The following LRP8 variants were observed in gnomAD, a reference collection of about 807,000 sequenced individuals.
The protein encoded by LRP8 is low-density lipoprotein receptor-related protein 8.
A neutral mutation model predicts 111.6 loss-of-function variants in LRP8; 46 were observed. That is an observed-to-expected ratio of 0.41 (90% CI 0.33 to 0.53). LRP8 has a LOEUF of 0.53. Among genes scored for constraint, LRP8 ranks in the 20% least tolerant of loss-of-function variants. LRP8 has a pLI of 0.20. For synonymous variants in LRP8, 464 were observed against 511.2 expected (o/e 0.91, Z 1.24); for missense variants, 959 against 1,297.4 (o/e 0.74, Z 4.01).
intron 6 of LRP8, chr1:53,272,605 C>G: frequency 7.8e-7 from 1 of 1,289,948 alleles, no homozygotes; most frequent in Non-Finnish European, 1.0e-6. Flanking sequence ...CCCCTTTACC[C>G]CTGGGCCTCC....
At chr1:53,296,575 C>A (rs1337896369) in intron 2 of LRP8, among the ~76,000 whole-genome samples, 1 of 152,236 alleles carries the variant, frequency 6.6e-6, no homozygotes, top group African/African-American at 2.4e-5. Flanking sequence ...GAATGCAGAT[C>A]CGGGGTGGGG....
At position 53,276,731 on chromosome 1, in the gene LRP8, C is replaced by T. The variant is rs1411511834; in HGVS notation, c.844G>A (p.Asp282Asn). The T allele has an allele frequency of 1.3e-6, 2 of 1,522,176 alleles. No homozygotes were observed. Among genetic ancestry groups the T allele is most frequent in the Admixed American group, 1.9e-5 (1 of 52,686 alleles). 94.3% of individuals were successfully genotyped at this position (1,522,176 alleles called of 1,614,324 possible). Residue 282 changes from aspartate to asparagine, a missense_variant, in exon 5 of 19, where the codon GAC becomes AAC. Physicochemically the swap from Asp to Asn is conservative, Grantham distance 23. This residue lies in a region of LRP8 where 819 missense variants were observed against 1,097.6 expected (regional missense o/e 0.75). Coordinates refer to ENST00000306052, the MANE Select transcript of LRP8 (RefSeq NM_004631.5). ...TCCGATTTGTCTTTGCAGTCGCGGT[C>T]GCCGTCGCAGCGCCAGCCCAGGTGC... ...CVHLGWRCDG[D>N]RDCKDKSDEA... is the part of the protein sequence containing the mutation.
At chr1:53,260,028 C>T (rs1025977418) in intron 13 of LRP8, among the ~76,000 whole-genome samples, 2 of 152,148 alleles carry the variant, frequency 1.3e-5, no homozygotes, top group Non-Finnish European at 1.5e-5. Context: ...TATTATATGG[C>T]CCTCGGATAC....
At chr1:53,285,915 ACT>A (rs1647475733) in intron 3 of LRP8, among the ~76,000 whole-genome samples, 1 of 151,934 alleles carries the variant, frequency 6.6e-6, no homozygotes, top group Non-Finnish European at 1.5e-5. Flanking sequence ...TTTTCATGAA[ACT>A]CTGTATCCTG....
Position 53,266,774 on chromosome 1 carries a change from A to G in LRP8, c.1253-127T>C. 1.3e-6 allele frequency: 1 copy of G among 782,782 alleles called. No homozygotes were observed. The highest frequency in any genetic ancestry group is 1.6e-5 in the South Asian group (1 of 60,928). The allele number at this position is 782,782 out of a possible 1,614,324, so 48.5% of individuals were successfully genotyped here. On this transcript the variant is annotated intron_variant, in intron 8 of 18. Coordinates refer to ENST00000306052, the MANE Select transcript of LRP8 (RefSeq NM_004631.5). The surrounding 1 kb of genome is among the most constrained non-coding windows in gnomAD (Gnocchi z 5.0). ...CCTTAAAATAGTAGTGACAATTCCT[A>G]CTTTACAGGTTGCAGGAGCAGATGA...
At position 53,317,380 on chromosome 1, in the gene LRP8, A is replaced by T. The variant is rs1469886677; in HGVS notation, c.244+9493T>A. On this transcript the variant is annotated intron_variant, in intron 2 of 18. Transcript: ENST00000306052. The surrounding 1 kb of genome is among the most constrained non-coding windows in gnomAD (Gnocchi z 4.9). Reference sequence around the variant, plus strand: ...CTACCGTGGCAGGCCCGGCTGGCTAACCAGCCCCACTGGGCCACTCAGGAA... The same window carrying T: ...CTACCGTGGCAGGCCCGGCTGGCTATCCAGCCCCACTGGGCCACTCAGGAA... Among the ~76,000 whole-genome samples, 2 of 152,150 alleles carry T rather than the reference A, an allele frequency of 1.3e-5. No individual in the cohort carries two copies. Among genetic ancestry groups the T allele is most frequent in the Non-Finnish European group, 2.9e-5 (2 of 68,014 alleles).
intron 12 of LRP8, among the ~76,000 whole-genome samples, chr1:53,260,926 G>A (rs1024677352): frequency 6.6e-6 from 1 of 152,118 alleles, no homozygotes; most frequent in Admixed American, 6.5e-5. Flanking sequence ...TCATTACTGG[G>A]GCCTGGGACC....
intron 9 of LRP8, 111 bp from the exon 10 acceptor site, chr1:53,264,507 T>A: frequency 1.2e-6 from 1 of 844,128 alleles, no homozygotes. Flanking sequence ...CAATAGATTT[T>A]TAGAGGAACG....
At chr1:53,288,160 G>A in intron 3 of LRP8, 1 of 152,274 alleles carries the variant, frequency 6.6e-6, no homozygotes, top group East Asian at 1.9e-4. Context: ...AAAGCTCCCT[G>A]TGGCCACAAA....
chr1:53,313,704 C>A (rs1290562483), intron 2 of LRP8, among the ~76,000 whole-genome samples: 2 of 152,064 alleles, frequency 1.3e-5, no homozygotes, highest in African/African-American at 4.8e-5. Flanking sequence ...TGTGGCTGGA[C>A]AGGAGACGCC....
At position 53,257,491 on chromosome 1, in the gene LRP8, C is replaced by G. The variant is rs368556046; in HGVS notation, c.2210-27G>C. On this transcript the variant is annotated intron_variant, in intron 14 of 18. Transcript: ENST00000306052. ...TGGAGGGGAAATACCATGGAGGTCA[C>G]TTGGACAGATAATTTTGTTGCCTAA... 22 of 1,579,282 alleles carry G rather than the reference C, an allele frequency of 1.4e-5. No individual in the cohort carries two copies. In the African/African-American group the frequency reaches 2.8e-4, roughly 20 times the overall value.
rs1385473217 is a variant in LRP8, at chr1:53,272,134, C to T, written c.1007-788G>A. Reference sequence around the variant, plus strand: ...ACATGGAGCCATTGCTAAATCAATTCTCTCCTATCATGAACTAATATGATG... The same window carrying T: ...ACATGGAGCCATTGCTAAATCAATTTTCTCCTATCATGAACTAATATGATG... On this transcript the variant is annotated intron_variant, in intron 6 of 18. Coordinates refer to ENST00000306052, the MANE Select transcript of LRP8 (RefSeq NM_004631.5). Among the ~76,000 whole-genome samples the T allele has an allele frequency of 2.6e-5, 4 of 152,002 alleles. No homozygotes were observed. The South Asian group carries it at 6.2e-4, about 24-fold the overall frequency.
At chr1:53,297,037 G>A (rs1649861041) in intron 2 of LRP8, among the ~76,000 whole-genome samples, 1 of 151,100 alleles carries the variant, frequency 6.6e-6, no homozygotes, top group Admixed American at 6.6e-5. Context: ...ATCCTCCATC[G>A]CCAGCAGATC....
intron 1 of LRP8, 40 bp from the exon 2 acceptor site, chr1:53,327,032 G>A: frequency 6.2e-7 from 1 of 1,606,024 alleles, no homozygotes; most frequent in Non-Finnish European, 8.5e-7. Flanking sequence ...CAGCGGACTC[G>A]GCCCCACTCC....
At chr1:53,285,295 C>G (rs1647376737) in intron 3 of LRP8, among the ~76,000 whole-genome samples, 1 of 152,128 alleles carries the variant, frequency 6.6e-6, no homozygotes, top group African/African-American at 2.4e-5. Flanking sequence ...GCACCACTGG[C>G]CCAGAGAGAG....
chr1:53,271,282 G>A lies in LRP8; in HGVS notation c.1071C>T (p.Gly357=). 1 of 1,613,972 alleles carries A rather than the reference G, an allele frequency of 6.2e-7. No homozygotes were observed. Among genetic ancestry groups the A allele is most frequent in the Non-Finnish European group, 8.5e-7 (1 of 1,180,002 alleles). The change falls in exon 7 of 19, where the codon GGC becomes GGT. Residue 357 remains glycine (G), a synonymous_variant. Coordinates refer to ENST00000306052, the MANE Select transcript of LRP8 (RefSeq NM_004631.5). ...AGCCTGCTGGGCACGTGCATTCAAA[G>A]CCAATCTTGAGGTCAGTGCAGATGT... ...CSHICTDLKI[G]FECTCPAGFQ...
At position 53,293,456 on chromosome 1, in the gene LRP8, G is replaced by A. The variant is rs1286900402; in HGVS notation, c.245-3767C>T. Among the ~76,000 whole-genome samples, 1 of 152,238 alleles carries A rather than the reference G, an allele frequency of 6.6e-6. No homozygotes were observed. Among genetic ancestry groups the A allele is most frequent in the Non-Finnish European group, 1.5e-5 (1 of 68,032 alleles). On this transcript the variant is annotated intron_variant, in intron 2 of 18. Transcript: ENST00000306052. The surrounding 1 kb of genome is among the most constrained non-coding windows in gnomAD (Gnocchi z 4.9). ...CCAGTGACTCCTCACAGCTATCTTG[G>A]TAGCTGTTGTTATTAATCCCATTGT...
chr1:53,308,823 A>G (rs1303195250), intron 2 of LRP8, among the ~76,000 whole-genome samples: 18 of 152,226 alleles, frequency 1.2e-4, no homozygotes, highest in Admixed American at 8.5e-4. Context: ...TGCCTGGTGC[A>G]CTGGCTAACA....
chr1:53,311,047 G>T (rs1652895503), intron 2 of LRP8, among the ~76,000 whole-genome samples: 1 of 152,172 alleles, frequency 6.6e-6, no homozygotes, highest in Non-Finnish European at 1.5e-5. Flanking sequence ...ATCCAGGGTA[G>T]CACAGTGAGG....
Sources: gnomAD v4.1 joint callset for allele counts (sites outside exome capture counted in the v4.1 genomes callset) on GRCh38, gnomAD v4.1.1 for gene constraint, gnomAD v4.1.1 regional missense constraint, Gnocchi (gnomAD v3.1) non-coding constraint, MANE v1.5 for transcripts, NCBI Gene and HGNC (gene_info 2026-07-23, HGNC 2026-07-21) for gene names.